The following NCOA2 variants were observed in gnomAD, a reference collection of about 807,000 sequenced individuals.
The protein encoded by NCOA2 is class E basic helix-loop-helix protein 75.
Under a neutral mutation model 145.1 loss-of-function variants are expected in NCOA2, and 21 were observed. The observed-to-expected ratio is 0.14, with a 90% CI of 0.10 to 0.21. The LOEUF (loss-of-function observed/expected upper bound fraction) is 0.21. NCOA2 is among the 10% of genes least tolerant of loss of function. The pLI is 1.00. For synonymous variants in NCOA2, 619 were observed against 637.5 expected (o/e 0.97, Z 0.44); for missense variants, 1,472 against 1,837.6 (o/e 0.80, Z 3.64).
intron 12 of NCOA2, among the ~76,000 whole-genome samples, chr8:70,147,110 TCGCGCGCG>T (rs71758835): frequency 1.3e-5 from 2 of 149,482 alleles, no homozygotes; most frequent in Non-Finnish European, 1.5e-5. Context: ...TGCAAATCTT[TCGCGCGCG>T]CGCGCGCGCG....
Position 70,297,331 on chromosome 8 carries a change from T to C in NCOA2, c.-76-531A>G, listed in dbSNP as rs547849202. ...AAATAATTTCTTATCTCAAGAATTATCTTTTATTTTCCCCCCTTCAGAGAC... is the reference window on the plus strand; with the variant it reads ...AAATAATTTCTTATCTCAAGAATTACCTTTTATTTTCCCCCCTTCAGAGAC... On this transcript the variant is annotated intron_variant, in intron 1 of 22. Coordinates refer to ENST00000452400, the MANE Select transcript of NCOA2 (RefSeq NM_006540.4). 7.9e-5 allele frequency among the ~76,000 whole-genome samples: 12 copies of C among 151,842 alleles called. 1 individual carries two copies. Among genetic ancestry groups the C allele is most frequent in the Admixed American group, 4.6e-4 (7 of 15,292 alleles).
At chr8:70,226,907 T>C (rs1820703359) in intron 2 of NCOA2, among the ~76,000 whole-genome samples, 1 of 152,138 alleles carries the variant, frequency 6.6e-6, no homozygotes, top group South Asian at 2.1e-4. Flanking sequence ...CTCAGAAAAA[T>C]CTGGTCTATC....
rs1806709961 is a variant in NCOA2, at chr8:70,113,328, T to C, written c.*304A>G. 1 of 488,838 alleles carries C rather than the reference T, an allele frequency of 2.0e-6. No homozygotes were observed. Among genetic ancestry groups the C allele is most frequent in the Non-Finnish European group, 3.7e-6 (1 of 272,580 alleles). The allele number at this position is 488,838 out of a possible 1,614,324, so 30.3% of individuals were successfully genotyped here. On this transcript the variant is annotated 3_prime_UTR_variant, in exon 23 of 23. Transcript: ENST00000452400. ...ACATTTAAATACATTCAATCTGACA[T>C]GGGTATGAAATTTGCCTGTCAACAT...
chr8:70,267,795 T>C (rs1313301193), intron 2 of NCOA2, among the ~76,000 whole-genome samples: 1 of 152,218 alleles, frequency 6.6e-6, no homozygotes, highest in African/African-American at 2.4e-5. Context: ...TTATTCTATT[T>C]ATCACATAAG....
intron 2 of NCOA2, among the ~76,000 whole-genome samples, chr8:70,243,209 T>C (rs1822306543): frequency 7.4e-6 from 1 of 135,954 alleles, no homozygotes; most frequent in African/African-American, 2.6e-5. Context: ...TAGAAGATTA[T>C]TTAAAAAACA....
At chr8:70,164,452 CAA>C (rs1813394238) in intron 7 of NCOA2, among the ~76,000 whole-genome samples, 1 of 152,100 alleles carries the variant, frequency 6.6e-6, no homozygotes. Context: ...TTGAATTTGA[CAA>C]AGAGTTTATT....
At chr8:70,321,902 G>A (rs1806116912) in intron 1 of NCOA2, among the ~76,000 whole-genome samples, 3 of 150,146 alleles carry the variant, frequency 2.0e-5, no homozygotes, top group African/African-American at 7.4e-5. Context: ...GCCCAGGCGG[G>A]GGGATCACCT....
intron 1 of NCOA2, among the ~76,000 whole-genome samples, chr8:70,358,103 A>T (rs1809896501): frequency 6.6e-6 from 1 of 152,152 alleles, no homozygotes. Flanking sequence ...ACACTCCTAA[A>T]GGAATTAAAG....
At chr8:70,287,385 T>C (rs938926140) in intron 2 of NCOA2, among the ~76,000 whole-genome samples, 2 of 152,198 alleles carry the variant, frequency 1.3e-5, no homozygotes, top group African/African-American at 4.8e-5. Flanking sequence ...TGTACTCTTT[T>C]CTAAATCAAA....
intron 2 of NCOA2, among the ~76,000 whole-genome samples, chr8:70,226,660 T>TTATA (rs10554067): frequency 8.8e-4 from 129 of 146,600 alleles, no homozygotes; most frequent in African/African-American, 1.8e-3. Flanking sequence ...TTTTAATTAT[T>TTATA]TATATATATA....
chr8:70,341,138 C>G (rs1808108525), intron 1 of NCOA2, among the ~76,000 whole-genome samples: 1 of 149,738 alleles, frequency 6.7e-6, no homozygotes, highest in African/African-American at 2.5e-5. Context: ...TGCCTGTAAT[C>G]CCAGCACTTT....
At chr8:70,227,701 C>G (rs77493063) in intron 2 of NCOA2, among the ~76,000 whole-genome samples, 1 of 152,014 alleles carries the variant, frequency 6.6e-6, no homozygotes, top group South Asian at 2.1e-4. Flanking sequence ...CAAAAAGATA[C>G]CAATTTTATC....
chr8:70,201,735 T>A (rs1817910357), intron 4 of NCOA2, among the ~76,000 whole-genome samples: 1 of 152,230 alleles, frequency 6.6e-6, no homozygotes, highest in Non-Finnish European at 1.5e-5. Flanking sequence ...TTACACTTCT[T>A]CTTTCCCTGT....
At chr8:70,213,772 C>T in intron 4 of NCOA2, 131 bp downstream of exon 4, 2 of 771,546 alleles carry the variant, frequency 2.6e-6, no homozygotes, top group Non-Finnish European at 4.1e-6. Context: ...ATTCATCTTA[C>T]ACTGTGACAT....
intron 10 of NCOA2, among the ~76,000 whole-genome samples, chr8:70,158,981 G>C (rs918343612): frequency 6.6e-6 from 1 of 151,346 alleles, no homozygotes; most frequent in African/African-American, 2.4e-5. Context: ...ATTCAAAGTA[G>C]AGTCCTACTT....
intron 1 of NCOA2, among the ~76,000 whole-genome samples, chr8:70,365,842 A>G (rs6981521): frequency 0.026 from 4,023 of 152,328 alleles, 167 homozygotes; most frequent in African/African-American, 0.092. Context: ...AAAGAAGAGG[A>G]TAAATTTTAA....
chr8:70,221,892 A>G (rs940820017), intron 2 of NCOA2, among the ~76,000 whole-genome samples: 7 of 152,200 alleles, frequency 4.6e-5, no homozygotes, highest in Admixed American at 3.3e-4. Flanking sequence ...CAACAGTGAT[A>G]GAGGACATGA....
At chr8:70,286,557 CA>C (rs1826246922) in intron 2 of NCOA2, among the ~76,000 whole-genome samples, 1 of 152,002 alleles carries the variant, frequency 6.6e-6, no homozygotes, top group African/African-American at 2.4e-5. Flanking sequence ...ATGAATTGCT[CA>C]AACACTAAAA....
chr8:70,425,792 C>A, the NCOA2 span, among the ~76,000 whole-genome samples: 2 of 152,122 alleles, frequency 1.3e-5, no homozygotes, highest in Non-Finnish European at 2.9e-5. Context: ...AAACCCCATA[C>A]CCTCCCCACT....
Sources: allele counts gnomAD v4.1 joint callset (sites outside exome capture counted in the v4.1 genomes callset), GRCh38; gene constraint gnomAD v4.1.1; transcripts MANE v1.5; gene names NCBI Gene and HGNC (gene_info 2026-07-23, HGNC 2026-07-21).